The following GPC5 variants were observed in gnomAD, a reference collection of about 807,000 sequenced individuals.
GPC5 encodes glypican 5.
GPC5 carries 47 observed loss-of-function variants against 53.9 expected under a neutral mutation model. The observed-to-expected ratio is 0.87, with a 90% confidence interval of 0.69 to 1.11. The LOEUF is 1.11. GPC5 is among the 50% of genes most tolerant of loss of function. The probability of loss-of-function intolerance (pLI) is 0.00; values close to 1 mark genes in which losing one functional copy is unlikely to be tolerated. For missense variants in GPC5, 748 were observed against 713.1 expected (o/e 1.05, Z -0.56); for synonymous variants, 286 against 263.3 (o/e 1.09, Z -0.84).
chr13:92,026,127 T>C (rs2040798842), intron 6 of GPC5, among the ~76,000 whole-genome samples: 1 of 152,198 alleles, frequency 6.6e-6, no homozygotes, highest in Admixed American at 6.5e-5. Flanking sequence ...TTTTCCAGCA[T>C]ACCTGTCTTT....
intron 7 of GPC5, among the ~76,000 whole-genome samples, chr13:92,454,256 T>C (rs1462453537): frequency 6.6e-6 from 1 of 152,220 alleles, no homozygotes; most frequent in Non-Finnish European, 1.5e-5. Flanking sequence ...AATTTAATAA[T>C]TCTCTCATAA....
intron 7 of GPC5, among the ~76,000 whole-genome samples, chr13:92,809,983 A>G (rs1464072927): frequency 2.0e-5 from 3 of 152,090 alleles, no homozygotes; most frequent in Non-Finnish European, 4.4e-5. Context: ...TATATACAGA[A>G]AAATCTTCTG....
At chr13:92,702,499 A>G (rs1239151803) in intron 7 of GPC5, among the ~76,000 whole-genome samples, 1 of 152,038 alleles carries the variant, frequency 6.6e-6, no homozygotes, top group Non-Finnish European at 1.5e-5. Context: ...TCTTGGATGA[A>G]TCCTTGAGTT....
chr13:92,248,108 CAGGGTGTGAT>C (rs1254231900), intron 7 of GPC5, among the ~76,000 whole-genome samples: 48 of 151,896 alleles, frequency 3.2e-4, no homozygotes, highest in South Asian at 1.7e-3. Context: ...TGCAAGTCCA[CAGGGTGTGAT>C]ATGGACATGA....
chr13:91,596,652 T>C (rs2033004647), intron 2 of GPC5, among the ~76,000 whole-genome samples: 1 of 152,146 alleles, frequency 6.6e-6, no homozygotes, highest in Admixed American at 6.5e-5. Flanking sequence ...ATATTTTGGG[T>C]CTTTCTTTTC....
At chr13:92,340,864 T>G (rs1410387418) in intron 7 of GPC5, among the ~76,000 whole-genome samples, 3 of 152,152 alleles carry the variant, frequency 2.0e-5, no homozygotes, top group African/African-American at 7.2e-5. Context: ...TATTTTGTAC[T>G]ATATAGCATT....
chr13:91,440,934 C>G (rs1880375548), intron 1 of GPC5, among the ~76,000 whole-genome samples: 1 of 152,190 alleles, frequency 6.6e-6, no homozygotes. Flanking sequence ...GGTTCTTGCT[C>G]TCAGCCCCTC....
intron 7 of GPC5, among the ~76,000 whole-genome samples, chr13:92,309,055 T>C (rs534160101): frequency 3.3e-5 from 5 of 152,168 alleles, no homozygotes; most frequent in African/African-American, 9.6e-5. Flanking sequence ...AAAACAACAC[T>C]AGCACTTTTT....
chr13:92,231,488 A>G (rs1228387904), intron 7 of GPC5, among the ~76,000 whole-genome samples: 1 of 152,164 alleles, frequency 6.6e-6, no homozygotes, highest in East Asian at 1.9e-4. Flanking sequence ...ACCCCTAAAG[A>G]ATCCCTCAGA....
chr13:92,584,420 G>C (rs1472024835), intron 7 of GPC5, among the ~76,000 whole-genome samples: 1 of 152,156 alleles, frequency 6.6e-6, no homozygotes, highest in Non-Finnish European at 1.5e-5. Flanking sequence ...GTGGAGCTTT[G>C]AACTTGAGAC....
At position 92,322,188 on chromosome 13, in the gene GPC5, G is replaced by A. The variant is rs548592902; in HGVS notation, c.1561+177199G>A. 2.6e-5 allele frequency among the ~76,000 whole-genome samples: 4 copies of A among 152,048 alleles called. No individual in the cohort carries two copies. The South Asian group carries it at 6.2e-4, about 24-fold the overall frequency. On this transcript the variant is annotated intron_variant, in intron 7 of 7. Coordinates refer to ENST00000377067, the MANE Select transcript of GPC5 (RefSeq NM_004466.6). ...TACAAAGGTTAAATAACTTGTACAGGTCATGCATATAGTAAGTGCAGAGCT... is the reference window on the plus strand; with the variant it reads ...TACAAAGGTTAAATAACTTGTACAGATCATGCATATAGTAAGTGCAGAGCT...
intron 7 of GPC5, among the ~76,000 whole-genome samples, chr13:92,182,979 C>A (rs1012553925): frequency 6.6e-6 from 1 of 151,974 alleles, no homozygotes; most frequent in Non-Finnish European, 1.5e-5. Flanking sequence ...ACTGGGTATT[C>A]CAGAAGAGGT....
At chr13:92,308,636 A>G (rs959208488) in intron 7 of GPC5, among the ~76,000 whole-genome samples, 6 of 152,156 alleles carry the variant, frequency 3.9e-5, no homozygotes, top group East Asian at 1.9e-4. Flanking sequence ...AAAGAGCTCA[A>G]TAAGGTTTTT....
chr13:91,423,200 A>T (rs946355410), intron 1 of GPC5, among the ~76,000 whole-genome samples: 2 of 152,332 alleles, frequency 1.3e-5, no homozygotes, highest in African/African-American at 4.8e-5. Flanking sequence ...ACATTACTGA[A>T]TCAGACTTGA....
intron 7 of GPC5, among the ~76,000 whole-genome samples, chr13:92,573,571 T>C (rs1883100317): frequency 6.6e-6 from 1 of 152,176 alleles, no homozygotes; most frequent in African/African-American, 2.4e-5. Flanking sequence ...ATGGATTCCT[T>C]TCTCCCGAAC....
chr13:91,431,344 G>A (rs1879430912), intron 1 of GPC5, among the ~76,000 whole-genome samples: 1 of 152,128 alleles, frequency 6.6e-6, no homozygotes, highest in African/African-American at 2.4e-5. Flanking sequence ...CCACTCTTGT[G>A]TATTTCAGGG....
chr13:91,653,643 A>T (rs1405489021), intron 2 of GPC5, among the ~76,000 whole-genome samples: 2 of 152,144 alleles, frequency 1.3e-5, no homozygotes, highest in African/African-American at 4.8e-5. Context: ...CTTTTCCAGA[A>T]CAATGTTGAG....
At chr13:91,654,788 T>C (rs1212429539) in intron 2 of GPC5, among the ~76,000 whole-genome samples, 1 of 152,202 alleles carries the variant, frequency 6.6e-6, no homozygotes, top group Non-Finnish European at 1.5e-5. Context: ...GTTTTTACCC[T>C]ATTATTAAGG....
At chr13:92,068,481 T>C (rs1322996464) in intron 6 of GPC5, among the ~76,000 whole-genome samples, 2 of 151,656 alleles carry the variant, frequency 1.3e-5, no homozygotes, top group African/African-American at 2.4e-5. Flanking sequence ...TGTAGTTCTT[T>C]CTTGCTAATT....
Sources: gnomAD v4.1 joint callset for allele counts (sites outside exome capture counted in the v4.1 genomes callset) on GRCh38, gnomAD v4.1.1 for gene constraint, MANE v1.5 for transcripts, NCBI Gene and HGNC (gene_info 2026-07-23, HGNC 2026-07-21) for gene names.